The following BLOC1S5 variants were observed in gnomAD, a reference collection of about 807,000 sequenced individuals.
BLOC1S5 encodes the protein biogenesis of lysosome-related organelles complex 1 subunit 5.
BLOC1S5 carries 27 observed loss-of-function variants against 24.3 expected under a neutral mutation model. That is an observed-to-expected ratio of 1.11 (90% confidence interval 0.82 to 1.53). The LOEUF is 1.53. BLOC1S5 is among the 40% of genes most tolerant of loss of function. The pLI is 0.00. For missense variants in BLOC1S5, 239 were observed against 229.4 expected (o/e 1.04, Z -0.27); for synonymous variants, 84 against 74.5 (o/e 1.13, Z -0.66).
chr6:8,055,901 T>G (rs1471843830), intron 2 of BLOC1S5, among the ~76,000 whole-genome samples: 1 of 152,206 alleles, frequency 6.6e-6, no homozygotes, highest in Non-Finnish European at 1.5e-5. Context: ...GCTGGAAATA[T>G]AATGCCCAAT....
intron 4 of BLOC1S5, among the ~76,000 whole-genome samples, chr6:8,025,733 T>C (rs1196832986): frequency 6.6e-6 from 1 of 152,172 alleles, no homozygotes; most frequent in African/African-American, 2.4e-5. Flanking sequence ...AAGGGCATTA[T>C]TTTCAGTGAC....
At chr6:8,019,097 C>A (rs558563018) in intron 4 of BLOC1S5, among the ~76,000 whole-genome samples, 1 of 152,340 alleles carries the variant, frequency 6.6e-6, no homozygotes, top group South Asian at 2.1e-4. Context: ...CTGTTCACAT[C>A]AGGCATATCG....
intron 3 of BLOC1S5, among the ~76,000 whole-genome samples, chr6:8,033,074 T>C (rs147273300): frequency 0.013 from 1,998 of 152,322 alleles, 30 homozygotes; most frequent in African/African-American, 0.034. Flanking sequence ...ATAGATTCAA[T>C]GCTATCACCA....
intron 1 of BLOC1S5, 27 bp downstream of exon 1, chr6:8,064,238 A>G (rs773884296): frequency 1.3e-6 from 2 of 1,585,640 alleles, no homozygotes; most frequent in Admixed American, 1.8e-5. Context: ...GGGATCCACC[A>G]GGAACTATAG....
At chr6:8,028,089 T>C (rs956925797) in intron 3 of BLOC1S5, among the ~76,000 whole-genome samples, 8 of 152,106 alleles carry the variant, frequency 5.3e-5, no homozygotes, top group East Asian at 1.9e-4. Flanking sequence ...TTTGCTGAAA[T>C]TGGAGGTTTG....
intron 2 of BLOC1S5, among the ~76,000 whole-genome samples, chr6:8,062,037 G>A (rs1012971136): frequency 6.6e-6 from 1 of 152,154 alleles, no homozygotes; most frequent in East Asian, 1.9e-4. Context: ...GATAAAGCAG[G>A]CAAACCTGTC....
chr6:8,037,996 T>C (rs1763544619), intron 3 of BLOC1S5, among the ~76,000 whole-genome samples: 1 of 151,894 alleles, frequency 6.6e-6, no homozygotes, highest in Non-Finnish European at 1.5e-5. Flanking sequence ...TCCACAAAAA[T>C]CAAATAAAAA....
chr6:8,057,227 A>G (rs1357748903), intron 2 of BLOC1S5, among the ~76,000 whole-genome samples: 1 of 148,456 alleles, frequency 6.7e-6, no homozygotes, highest in East Asian at 1.9e-4. Flanking sequence ...CTCAAAAAAA[A>G]GAAAAGAAAA....
rs368860770 is a variant in BLOC1S5 at position 8,064,350 on chromosome 6, A to T, written c.27T>A (p.Pro9=). 256 of 1,612,030 alleles carry T rather than the reference A, an allele frequency of 1.6e-4. 1 individual carries two copies. Among genetic ancestry groups the T allele is most frequent in the Middle Eastern group, 9.9e-4 (6 of 6,054 alleles). The part of the protein sequence containing the change: MSGGGTET[P]VGCEAAPGGG... ...CGCCCGGGGCGGCCTCACAACCCACAGGGGTCTCTGTCCCTCCGCCACTCA... is the reference window on the plus strand; with the variant it reads ...CGCCCGGGGCGGCCTCACAACCCACTGGGGTCTCTGTCCCTCCGCCACTCA... The change falls in exon 1 of 5, where the codon CCT becomes CCA. Residue 9 remains proline, a synonymous_variant. Coordinates refer to ENST00000397457, the MANE Select transcript of BLOC1S5 (RefSeq NM_201280.3).
At chr6:8,038,056 A>C (rs1447253861) in intron 3 of BLOC1S5, among the ~76,000 whole-genome samples, 2 of 149,386 alleles carry the variant, frequency 1.3e-5, no homozygotes, top group African/African-American at 5.2e-5. Flanking sequence ...TTACTAGAAG[A>C]AAGCCTAGGG....
intron 3 of BLOC1S5, among the ~76,000 whole-genome samples, chr6:8,030,766 G>A (rs137895897): frequency 0.039 from 5,866 of 150,694 alleles, 357 homozygotes; most frequent in African/African-American, 0.13. Context: ...CAGCTAGTCC[G>A]GAGGCTGAGG....
At chr6:8,033,856 C>T (rs1763387761) in intron 3 of BLOC1S5, among the ~76,000 whole-genome samples, 1 of 152,170 alleles carries the variant, frequency 6.6e-6, no homozygotes, top group Admixed American at 6.5e-5. Context: ...GACATCTGTG[C>T]AGCCAACAGA....
intron 2 of BLOC1S5, among the ~76,000 whole-genome samples, chr6:8,060,650 A>C (rs547352605): frequency 1.3e-5 from 2 of 152,220 alleles, no homozygotes; most frequent in Non-Finnish European, 2.9e-5. Context: ...TTTTAGAGGT[A>C]GATTTGCTGA....
chr6:8,047,957 C>T (rs1042138734), intron 2 of BLOC1S5, among the ~76,000 whole-genome samples: 1 of 152,206 alleles, frequency 6.6e-6, no homozygotes, highest in Admixed American at 6.5e-5. Context: ...ACACTTGATT[C>T]TTTCTCCCGT....
At chr6:8,062,695 C>T in intron 1 of BLOC1S5, 79 bp from the exon 2 acceptor site, 1 of 922,218 alleles carries the variant, frequency 1.1e-6, no homozygotes. Flanking sequence ...TCTCCCTTCC[C>T]CACTAAGAGA....
chr6:8,050,671 C>T (rs375700339), intron 2 of BLOC1S5, among the ~76,000 whole-genome samples: 15 of 150,270 alleles, frequency 1.0e-4, no homozygotes, highest in African/African-American at 2.9e-4. Context: ...GGTGTGATCT[C>T]GGCTCACCGC....
At chr6:8,027,403 TA>T in intron 3 of BLOC1S5, 1 of 456,718 alleles carries the variant, frequency 2.2e-6, no homozygotes, top group South Asian at 1.5e-5. Flanking sequence ...TCCTCATCTG[TA>T]AAATGAACAT....
chr6:8,049,671 C>CAT (rs1202439793), intron 2 of BLOC1S5, among the ~76,000 whole-genome samples: 1 of 151,972 alleles, frequency 6.6e-6, no homozygotes, highest in Non-Finnish European at 1.5e-5. Context: ...TACATACATG[C>CAT]ATATATAAAT....
intron 2 of BLOC1S5, among the ~76,000 whole-genome samples, chr6:8,045,230 C>G (rs111753213): frequency 0.024 from 3,594 of 152,320 alleles, 144 homozygotes; most frequent in African/African-American, 0.08. Flanking sequence ...AGGGTGGAAG[C>G]CCCAGGCTTT....
Sources: allele counts gnomAD v4.1 joint callset (sites outside exome capture counted in the v4.1 genomes callset), GRCh38; gene constraint gnomAD v4.1.1; transcripts MANE v1.5; gene names NCBI Gene and HGNC (gene_info 2026-07-23, HGNC 2026-07-21).